SLC30A9: variants seen among roughly 807,000 people sequenced by gnomAD.
SLC30A9 encodes solute carrier family 30 member 9.
In SLC30A9, 58 loss-of-function variants were observed where a neutral mutation model predicts 87.5. The ratio of observed to expected loss-of-function variants is 0.66; its 90% CI spans 0.54 to 0.82. The LOEUF (loss-of-function observed/expected upper bound fraction) is 0.82. Among genes scored for constraint, SLC30A9 ranks in the 40% least tolerant of loss-of-function variants. SLC30A9 has a pLI of 0.00. For missense variants in SLC30A9, 557 were observed against 679.1 expected, an observed-to-expected ratio of 0.82 and a Z score of 2.00; for synonymous variants, 234 against 233.0, an observed-to-expected ratio of 1.00 and a Z score of -0.04.
At chr4:42,060,273 T>G in intron 10 of SLC30A9, 27 bp downstream of exon 10, 1 of 1,578,518 alleles carries the variant, frequency 6.3e-7, no homozygotes, top group Non-Finnish European at 8.7e-7. Context: ...ATTTTGTTTT[T>G]GTTTGTTTTG....
At chr4:42,066,041 G>C (rs1052430167) in intron 12 of SLC30A9, among the ~76,000 whole-genome samples, 1 of 152,150 alleles carries the variant, frequency 6.6e-6, no homozygotes, top group Admixed American at 6.5e-5. Context: ...AGCTATAGCA[G>C]TATGATGACA....
chr4:42,085,684 C>A (rs1000891831), intron 17 of SLC30A9, among the ~76,000 whole-genome samples: 1 of 152,024 alleles, frequency 6.6e-6, no homozygotes, highest in African/African-American at 2.4e-5. Flanking sequence ...CAGGGCCCGG[C>A]CCAAGAATAT....
intron 6 of SLC30A9, among the ~76,000 whole-genome samples, chr4:42,033,847 T>A (rs776373832): frequency 1.3e-5 from 2 of 152,218 alleles, no homozygotes; most frequent in African/African-American, 4.8e-5. Flanking sequence ...AGTGCTGGGA[T>A]TACAGGCATG....
chr4:42,014,504 C>G (rs973561971), intron 2 of SLC30A9, among the ~76,000 whole-genome samples: 1 of 150,650 alleles, frequency 6.6e-6, no homozygotes, highest in Non-Finnish European at 1.5e-5. Context: ...TTGCAGTGAG[C>G]TGAGATCGTG....
intron 17 of SLC30A9, among the ~76,000 whole-genome samples, chr4:42,081,437 C>T (rs1718737374): frequency 1.3e-5 from 2 of 152,018 alleles, no homozygotes; most frequent in African/African-American, 2.4e-5. Flanking sequence ...CAGGAAATGT[C>T]AGCATAGTAA....
intron 17 of SLC30A9, among the ~76,000 whole-genome samples, chr4:42,085,545 C>T (rs1031812702): frequency 6.6e-6 from 1 of 152,282 alleles, no homozygotes; most frequent in African/African-American, 2.4e-5. Flanking sequence ...TAAATGTTAA[C>T]TTTTTATTAT....
At chr4:42,002,675 A>G (rs892161723) in intron 2 of SLC30A9, among the ~76,000 whole-genome samples, 11 of 152,120 alleles carry the variant, frequency 7.2e-5, no homozygotes, top group African/African-American at 2.4e-4. Flanking sequence ...CCAGTACCCC[A>G]TTGATGGACA....
intron 7 of SLC30A9, among the ~76,000 whole-genome samples, chr4:42,036,773 C>G (rs1716692012): frequency 6.6e-6 from 1 of 152,152 alleles, no homozygotes; most frequent in Non-Finnish European, 1.5e-5. Context: ...TTTCTGGCAC[C>G]CCAGTACTGC....
intron 15 of SLC30A9, 65 bp from the exon 16 acceptor site, chr4:42,075,592 C>A: frequency 1.4e-6 from 2 of 1,407,010 alleles, no homozygotes; most frequent in South Asian, 1.2e-5. Flanking sequence ...AGCCTTTGTG[C>A]TATTAAAGTA....
chr4:42,013,666 G>A (rs2660318), intron 2 of SLC30A9, among the ~76,000 whole-genome samples: 98,602 of 152,096 alleles, frequency 0.65, 36,080 homozygotes, highest in East Asian at 0.96. Context: ...TTCAGTAAAT[G>A]GTGCTGGGGA....
rs542338442 is a variant in SLC30A9 at position 42,003,470 on chromosome 4, G to C, written c.274+1690G>C. Among the ~76,000 whole-genome samples the C allele has an allele frequency of 7.9e-5, 12 of 152,138 alleles. No homozygotes were observed. The South Asian group carries it at 2.5e-3, about 32-fold the overall frequency. ...TGTAAATTTTTGCTTTTTATAATTT[G>C]AGGCTGTCATTAGATACATACATAT... On this transcript the variant is annotated intron_variant, in intron 2 of 17. Coordinates refer to ENST00000264451, the MANE Select transcript of SLC30A9 (RefSeq NM_006345.4).
intron 2 of SLC30A9, among the ~76,000 whole-genome samples, chr4:42,009,281 G>A (rs1419557370): frequency 1.3e-5 from 2 of 152,160 alleles, no homozygotes; most frequent in African/African-American, 4.8e-5. Flanking sequence ...ATTAGACCTT[G>A]TTAGCCATCA....
intron 2 of SLC30A9, among the ~76,000 whole-genome samples, chr4:42,004,050 T>C (rs1005774253): frequency 1.3e-5 from 2 of 152,218 alleles, no homozygotes; most frequent in Non-Finnish European, 2.9e-5. Context: ...CCTTTTCTTA[T>C]GTCTGATCTT....
chr4:42,031,355 G>A (rs1221069391), intron 6 of SLC30A9, among the ~76,000 whole-genome samples: 1 of 151,812 alleles, frequency 6.6e-6, no homozygotes, highest in African/African-American at 2.4e-5. Flanking sequence ...TTCCATGCAA[G>A]TGCAGAGGAA....
rs150976722 is a variant in SLC30A9, at chr4:42,060,463, A to G, written c.896+217A>G. Reference sequence around the variant, plus strand: ...AGTTCAAGTTATTTTTATGCTTTGTAGCACGGCATGGAGATCTTGTTTTCT... The same window carrying G: ...AGTTCAAGTTATTTTTATGCTTTGTGGCACGGCATGGAGATCTTGTTTTCT... On this transcript the variant is annotated intron_variant, in intron 10 of 17. Coordinates refer to ENST00000264451, the MANE Select transcript of SLC30A9 (RefSeq NM_006345.4). Among the ~76,000 whole-genome samples, 1,374 of 152,276 alleles carry G rather than the reference A, an allele frequency of 9.0e-3. 22 individuals are homozygous for G. The highest frequency in any genetic ancestry group is 0.032 in the African/African-American group (1,321 of 41,562).
chr4:42,052,590 T>C (rs558625304), intron 9 of SLC30A9, among the ~76,000 whole-genome samples: 3 of 152,366 alleles, frequency 2.0e-5, no homozygotes, highest in East Asian at 3.9e-4. Flanking sequence ...GAGCCACATT[T>C]ACATGGCCCG....
chr4:42,019,208 G>A lies in SLC30A9; in HGVS notation c.334+1038G>A, dbSNP rs974674744. Among the ~76,000 whole-genome samples the A allele has an allele frequency of 2.0e-5, 3 of 152,158 alleles. No homozygotes were observed. In the South Asian group the frequency reaches 6.2e-4, roughly 31 times the overall value. ...CAGAAAATTGTGAAATAATAAATAT[G>A]AGAATAGAACATGAAGTGAATAGAT... On this transcript the variant is annotated intron_variant, in intron 3 of 17. Coordinates refer to ENST00000264451, the MANE Select transcript of SLC30A9 (RefSeq NM_006345.4).
At chr4:42,007,228 G>A (rs1332942841) in intron 2 of SLC30A9, among the ~76,000 whole-genome samples, 1 of 152,158 alleles carries the variant, frequency 6.6e-6, no homozygotes, top group Admixed American at 6.5e-5. Flanking sequence ...GGATGAAGAA[G>A]AGGGTCAAGC....
intron 1 of SLC30A9, among the ~76,000 whole-genome samples, chr4:42,000,145 C>T (rs545708437): frequency 6.6e-6 from 1 of 152,106 alleles, no homozygotes; most frequent in Non-Finnish European, 1.5e-5. Flanking sequence ...GGAAATGGGT[C>T]GTCTTCCAAG....
Sources: allele counts gnomAD v4.1 joint callset (sites outside exome capture counted in the v4.1 genomes callset), GRCh38; gene constraint gnomAD v4.1.1; transcripts MANE v1.5; gene names NCBI Gene and HGNC (gene_info 2026-07-23, HGNC 2026-07-21).